The following LPP variants were observed in gnomAD, a reference collection of about 807,000 sequenced individuals.
The protein encoded by LPP is LIM domain containing preferred translocation partner in lipoma, also known as lipoma-preferred partner.
Under a neutral mutation model 60.4 loss-of-function variants are expected in LPP, and 38 were observed. The observed-to-expected ratio is 0.63, with a 90% CI of 0.49 to 0.83. The LOEUF (loss-of-function observed/expected upper bound fraction) is 0.83, where lower values mean the gene tolerates loss of function less well. Among genes scored for constraint, LPP ranks in the 40% least tolerant of loss-of-function variants. The pLI is 0.00. For synonymous variants in LPP, 328 were observed against 290.8 expected (o/e 1.13, Z -1.30); for missense variants, 902 against 783.6 (o/e 1.15, Z -1.80).
chr3:188,828,748 C>T (rs1756349987), intron 9 of LPP, among the ~76,000 whole-genome samples: 1 of 151,556 alleles, frequency 6.6e-6, no homozygotes, highest in African/African-American at 2.4e-5. Flanking sequence ...CTAGTATCTC[C>T]TTGGGTTGTT....
chr3:188,515,715 C>T (rs895095618), intron 5 of LPP, among the ~76,000 whole-genome samples: 1 of 152,136 alleles, frequency 6.6e-6, no homozygotes, highest in Non-Finnish European at 1.5e-5. Flanking sequence ...AGATGTCCTT[C>T]TCGGATATTA....
In LPP at chr3:188,605,499, C is replaced by G. The variant is rs552846220; in HGVS notation, c.430-3662C>G. On this transcript the variant is annotated intron_variant, in intron 6 of 11. Coordinates refer to ENST00000617246, the MANE Select transcript of LPP (RefSeq NM_001375462.1). ...GAGTCTGAAAAGCATATGAGACATT[C>G]AAGCAGACACATGAAATAGACAGTT... Among the ~76,000 whole-genome samples the G allele has an allele frequency of 1.0e-3, 156 of 152,178 alleles. 3 individuals carry two copies. The highest frequency in any genetic ancestry group is 3.7e-3 in the African/African-American group (152 of 41,538).
chr3:188,821,618 G>A (rs1191472689), intron 9 of LPP, among the ~76,000 whole-genome samples: 1 of 151,718 alleles, frequency 6.6e-6, no homozygotes, highest in African/African-American at 2.4e-5. Flanking sequence ...TGCATATATA[G>A]TGAATGTATT....
chr3:188,360,375 A>C (rs761595277), intron 3 of LPP, among the ~76,000 whole-genome samples: 1 of 152,104 alleles, frequency 6.6e-6, no homozygotes, highest in Admixed American at 6.5e-5. Flanking sequence ...ATATTTAACT[A>C]TCTTAGTCCA....
At chr3:188,607,869 A>C (rs1319442308) in intron 6 of LPP, among the ~76,000 whole-genome samples, 3 of 152,186 alleles carry the variant, frequency 2.0e-5, no homozygotes, top group Non-Finnish European at 2.9e-5. Context: ...TTATACAATC[A>C]TCTATAAATA....
In LPP at chr3:188,885,099, C is replaced by A. The variant is rs1159181655; in HGVS notation, c.*10620C>A. ...GTGTTCCTTCTCTTGAGCTGCGTCCCTCAGGAAGCTGTACCTTTAGGGTGT... is the reference window on the plus strand; with the variant it reads ...GTGTTCCTTCTCTTGAGCTGCGTCCATCAGGAAGCTGTACCTTTAGGGTGT... On this transcript the variant is annotated 3_prime_UTR_variant, in exon 12 of 12. Transcript: ENST00000617246. The A allele has an allele frequency of 9.3e-6, 2 of 213,912 alleles. No individual in the cohort carries two copies. Among genetic ancestry groups the A allele is most frequent in the Non-Finnish European group, 1.9e-5 (2 of 105,982 alleles). 13.3% of individuals were successfully genotyped at this position (213,912 alleles called of 1,614,324 possible).
intron 1 of LPP, among the ~76,000 whole-genome samples, chr3:188,224,706 G>C (rs1215181031): frequency 6.6e-6 from 1 of 152,076 alleles, no homozygotes; most frequent in Non-Finnish European, 1.5e-5. Flanking sequence ...GCAAAAGCAG[G>C]AGCAAGAGAG....
intron 2 of LPP, among the ~76,000 whole-genome samples, chr3:188,267,540 T>C (rs1736013111): frequency 6.6e-6 from 1 of 152,244 alleles, no homozygotes; most frequent in Non-Finnish European, 1.5e-5. Flanking sequence ...CATAGGCTTC[T>C]AGCCAGGGCC....
chr3:188,548,628 G>A (rs1559811), intron 6 of LPP, among the ~76,000 whole-genome samples: 151,365 of 152,240 alleles, frequency 0.99, 75,252 homozygotes, highest in Middle Eastern at 1. Flanking sequence ...GGGATAATAA[G>A]TTTAGAAATC....
At chr3:188,741,881 C>T (rs7356022) in intron 8 of LPP, among the ~76,000 whole-genome samples, 33,056 of 151,724 alleles carry the variant, frequency 0.22, 4,184 homozygotes, top group Middle Eastern at 0.42. Context: ...AATATGTGTA[C>T]AGTATGTGTA....
chr3:188,244,440 T>C (rs1219099482), intron 2 of LPP, among the ~76,000 whole-genome samples: 2 of 152,190 alleles, frequency 1.3e-5, no homozygotes, highest in Non-Finnish European at 2.9e-5. Flanking sequence ...CCAGTCCTGC[T>C]TCTGCTACTA....
intron 9 of LPP, among the ~76,000 whole-genome samples, chr3:188,771,557 A>AG (rs2150692404): frequency 8.8e-6 from 1 of 113,654 alleles, no homozygotes; most frequent in Non-Finnish European, 1.7e-5. Context: ...CTCAAAAAAA[A>AG]AAAAAAAAAG....
At chr3:188,411,558 T>G (rs913795192) in intron 4 of LPP, among the ~76,000 whole-genome samples, 3 of 152,226 alleles carry the variant, frequency 2.0e-5, no homozygotes, top group African/African-American at 7.2e-5. Context: ...TGTTGTTCCA[T>G]CACTTTCTAT....
At position 188,609,725 on chromosome 3, in the gene LPP, T is replaced by G. The variant is rs547673813; in HGVS notation, c.994T>G (p.Tyr332Asp). The change falls in exon 7 of 12, where the codon TAC becomes GAC. Residue 332 changes from tyrosine (Y) to aspartate (D), a missense_variant. Coordinates refer to ENST00000617246, the MANE Select transcript of LPP (RefSeq NM_001375462.1). The surrounding 1 kb of genome is among the most constrained non-coding windows in gnomAD (Gnocchi z 6.9). ...HPNTWKREPG[Y>D]TPPGAGNQNP... The stretch of plus-strand genomic sequence containing the variant: ...AAATACCTGGAAACGGGAACCAGGG[T>G]ACACTCCTCCTGGAGCAGGGAACCA... 3.7e-6 allele frequency: 6 copies of G among 1,614,076 alleles called. No homozygotes were observed. In the South Asian group the frequency reaches 6.6e-5, roughly 18 times the overall value.
At chr3:188,322,979 G>A (rs1757377914) in intron 2 of LPP, among the ~76,000 whole-genome samples, 1 of 152,152 alleles carries the variant, frequency 6.6e-6, no homozygotes, top group Non-Finnish European at 1.5e-5. Flanking sequence ...TTTAGAGGTG[G>A]GGGAAAAGGG....
intron 4 of LPP, among the ~76,000 whole-genome samples, 193 bp from the exon 5 acceptor site, chr3:188,484,399 C>T (rs180683388): frequency 1.8e-4 from 27 of 152,202 alleles, no homozygotes; most frequent in South Asian, 2.1e-4. Context: ...ATATCAAATC[C>T]GATACTCTTT....
intron 9 of LPP, among the ~76,000 whole-genome samples, chr3:188,831,234 G>A (rs901125515): frequency 2.6e-5 from 4 of 152,186 alleles, no homozygotes; most frequent in African/African-American, 9.7e-5. Context: ...CCAAAGACAT[G>A]ATGACACCAC....
chr3:188,382,653 T>A (rs1296440361), intron 3 of LPP, among the ~76,000 whole-genome samples: 1 of 152,242 alleles, frequency 6.6e-6, no homozygotes, highest in Admixed American at 6.5e-5. Flanking sequence ...TTTTTAACCC[T>A]CCTTCATACC....
rs964435667 is a variant in LPP, at chr3:188,880,459, A to T, written c.*5980A>T. The stretch of plus-strand genomic sequence containing the variant: ...TTGATGCACGAATAAATATCTCTAC[A>T]TCTAGCCTTTGTTAAAAATAAAAAT... On this transcript the variant is annotated 3_prime_UTR_variant, in exon 12 of 12. Coordinates refer to ENST00000617246, the MANE Select transcript of LPP (RefSeq NM_001375462.1). 8.4e-5 allele frequency: 16 copies of T among 191,310 alleles called. No individual in the cohort carries two copies. The highest frequency in any genetic ancestry group is 1.6e-4 in the Non-Finnish European group (15 of 91,400). 11.9% of individuals were successfully genotyped at this position (191,310 alleles called of 1,614,324 possible). A position where few individuals can be genotyped will look rare whatever the true frequency, so the allele number is the denominator to read the frequency against.
Sources: gnomAD v4.1 joint callset for allele counts (sites outside exome capture counted in the v4.1 genomes callset) on GRCh38, gnomAD v4.1.1 for gene constraint, Gnocchi (gnomAD v3.1) non-coding constraint, MANE v1.5 for transcripts, NCBI Gene and HGNC (gene_info 2026-07-23, HGNC 2026-07-21) for gene names.